Variants in PCDHGB1 observed in about 807,000 individuals in gnomAD.
PCDHGB1 encodes the protein protocadherin gamma subfamily B, 1, also known as protocadherin gamma-B1.
PCDHGB1 carries 34 observed loss-of-function variants against 56.6 expected under a neutral mutation model. The observed-to-expected ratio is 0.60, with a 90% CI of 0.46 to 0.80. PCDHGB1 has a LOEUF of 0.80. Among genes scored for constraint, PCDHGB1 ranks in the 30% least tolerant of loss-of-function variants. PCDHGB1 has a pLI of 0.00. For missense variants in PCDHGB1, 1,278 were observed against 1,204.6 expected (o/e 1.06, Z -0.90); for synonymous variants, 561 against 505.9 (o/e 1.11, Z -1.46).
At chr5:141,369,056 A>G (rs1051777432) in intron 1 of PCDHGB1, among the ~76,000 whole-genome samples, 7 of 152,212 alleles carry the variant, frequency 4.6e-5, no homozygotes, top group Non-Finnish European at 5.9e-5. Flanking sequence ...TACATTATGT[A>G]GGCTAAAGAT....
At position 141,477,898 on chromosome 5, in the gene PCDHGB1, A is replaced by C; in HGVS notation, c.2410-16909A>C. The C allele has an allele frequency of 6.2e-7, 1 of 1,614,158 alleles. No individual in the cohort carries two copies. Among genetic ancestry groups the C allele is most frequent in the East Asian group, 2.2e-5 (1 of 44,864 alleles). ...CTGGCCACCTAGTGTCACGGGTGGT[A>C]GGCTGGGACGCGGATGCAGGGCACA... On this transcript the variant is annotated intron_variant, in intron 1 of 3. Transcript: ENST00000523390. This position sits in a 1 kb window ranked among gnomAD's most constrained non-coding sequence, Gnocchi z 4.9.
At chr5:141,388,957 C>T (rs1378746840) in intron 1 of PCDHGB1, 7 of 1,613,822 alleles carry the variant, frequency 4.3e-6, no homozygotes, top group Non-Finnish European at 5.9e-6. Flanking sequence ...ATGGAGGACG[C>T]CGAGCTGGGA....
intron 1 of PCDHGB1, among the ~76,000 whole-genome samples, chr5:141,407,428 G>A (rs1211459456): frequency 6.6e-6 from 1 of 151,524 alleles, no homozygotes; most frequent in Non-Finnish European, 1.5e-5. Context: ...AATGTCTCTT[G>A]CCCTTAAAAC....
intron 1 of PCDHGB1, chr5:141,393,093 G>T: frequency 2.5e-6 from 4 of 1,613,620 alleles, no homozygotes; most frequent in Non-Finnish European, 3.4e-6. Context: ...AGATCGGGAG[G>T]AGCTCTGCGC....
chr5:141,511,265 A>G lies in PCDHGB1; in HGVS notation c.*92A>G. On this transcript the variant is annotated 3_prime_UTR_variant, in exon 4 of 4. Coordinates refer to ENST00000523390, the MANE Select transcript of PCDHGB1 (RefSeq NM_018922.3). ...ACCCAGGCCTCAGAGTTTCAGGGCT[A>G]ACCCCCAGAATACTGGTAGGGGCCA... The G allele has an allele frequency of 6.4e-7, 1 of 1,551,730 alleles. No individual in the cohort carries two copies. Among genetic ancestry groups the G allele is most frequent in the South Asian group, 1.2e-5 (1 of 83,132 alleles).
chr5:141,403,533 T>G (rs1307203985), intron 1 of PCDHGB1: 2 of 1,613,992 alleles, frequency 1.2e-6, no homozygotes, highest in African/African-American at 2.7e-5. Flanking sequence ...AACCCAGAGC[T>G]GGTGCTGGAG....
At chr5:141,413,220 C>A in intron 1 of PCDHGB1, 1 of 1,613,330 alleles carries the variant, frequency 6.2e-7, no homozygotes, top group South Asian at 1.1e-5. Flanking sequence ...AGGATTGCAG[C>A]GGGCTGGTCC....
chr5:141,366,316 T>G, intron 1 of PCDHGB1: 1 of 1,613,764 alleles, frequency 6.2e-7, no homozygotes, highest in Non-Finnish European at 8.5e-7. Flanking sequence ...CGGTCACCGT[T>G]GCCGTGGCCG....
At position 141,432,232 on chromosome 5, in the gene PCDHGB1, G is replaced by A. The variant is rs766929605; in HGVS notation, c.2410-62575G>A. Reference sequence around the variant, plus strand: ...AGAACGCCCAGATCACTTATTCCCTGGCTGAGAACACCATCCAAGGGGCAA... The same window carrying A: ...AGAACGCCCAGATCACTTATTCCCTAGCTGAGAACACCATCCAAGGGGCAA... On this transcript the variant is annotated intron_variant, in intron 1 of 3. Coordinates refer to ENST00000523390, the MANE Select transcript of PCDHGB1 (RefSeq NM_018922.3). The surrounding 1 kb of genome is among the most constrained non-coding windows in gnomAD (Gnocchi z 6.0). The A allele has an allele frequency of 6.2e-7, 1 of 1,614,188 alleles. No homozygotes were observed. The highest frequency in any genetic ancestry group is 1.6e-4 in the Middle Eastern group (1 of 6,062).
intron 1 of PCDHGB1, chr5:141,362,322 T>A (rs369360424): frequency 5.1e-5 from 83 of 1,614,066 alleles, no homozygotes; most frequent in Admixed American, 1.3e-4. Context: ...GTTTTCAGCC[T>A]GGTCTCAGCT....
At chr5:141,358,935 T>A (rs550902400) in intron 1 of PCDHGB1, among the ~76,000 whole-genome samples, 2 of 152,358 alleles carry the variant, frequency 1.3e-5, no homozygotes, top group Admixed American at 1.3e-4. Flanking sequence ...TATACAACAC[T>A]TTTGTTCTTT....
At chr5:141,422,911 G>A (rs375046528) in intron 1 of PCDHGB1, 5 of 1,614,118 alleles carry the variant, frequency 3.1e-6, no homozygotes, top group African/African-American at 2.7e-5. Flanking sequence ...CAATGCGCCC[G>A]AGATCCTGTA....
chr5:141,380,586 A>G (rs1776590608), intron 1 of PCDHGB1, among the ~76,000 whole-genome samples: 1 of 152,226 alleles, frequency 6.6e-6, no homozygotes, highest in Non-Finnish European at 1.5e-5. Context: ...GCGGTCTAGT[A>G]AAGATCTTTA....
Position 141,491,732 on chromosome 5 carries a change from C to G in PCDHGB1, c.2410-3075C>G. ...GGCTCGGCGCCGCCCCGGGCGACCC[C>G]TGGGGGCGGCACTGGAGAAGCCGCC... On this transcript the variant is annotated intron_variant, in intron 1 of 3. Coordinates refer to ENST00000523390, the MANE Select transcript of PCDHGB1 (RefSeq NM_018922.3). This position sits in a 1 kb window ranked among gnomAD's most constrained non-coding sequence, Gnocchi z 6.9. The G allele has an allele frequency of 1.2e-6, 2 of 1,602,752 alleles. No individual in the cohort carries two copies. Among genetic ancestry groups the G allele is most frequent in the Non-Finnish European group, 1.7e-6 (2 of 1,175,308 alleles).
chr5:141,351,960 G>A lies in PCDHGB1; in HGVS notation c.1700G>A (p.Gly567Asp). The A allele has an allele frequency of 6.2e-7, 1 of 1,612,894 alleles. No homozygotes were observed. Among genetic ancestry groups the A allele is most frequent in the Non-Finnish European group, 8.5e-7 (1 of 1,179,720 alleles). Residue 567 changes from glycine to aspartate, a missense_variant, in exon 1 of 4, where the codon GGC becomes GAC. By Grantham distance (94) the Gly-to-Asp change is moderately conservative (BLOSUM62 -1). Transcript: ENST00000523390. The part of the protein sequence containing the change: ...RVLYPALGPD[G>D]SALFDMVPRA... ...CTGTACCCCGCGCTGGGGCCTGATG[G>A]CTCCGCCCTCTTCGATATGGTGCCA...
chr5:141,392,746 G>A (rs970809453), intron 1 of PCDHGB1: 4 of 1,443,856 alleles, frequency 2.8e-6, no homozygotes, highest in Non-Finnish European at 3.6e-6. Flanking sequence ...CATAGCTGCG[G>A]CAAGAAACTA....
intron 2 of PCDHGB1, among the ~76,000 whole-genome samples, chr5:141,502,352 C>G (rs544911376): frequency 3.2e-4 from 49 of 151,888 alleles, no homozygotes; most frequent in African/African-American, 1.2e-3. Flanking sequence ...TTTTTAATGA[C>G]ATGGATATTT....
chr5:141,361,769 A>C, intron 1 of PCDHGB1: 1 of 1,613,144 alleles, frequency 6.2e-7, no homozygotes, highest in Non-Finnish European at 8.5e-7. Context: ...CTCAGCGCCA[A>C]CGTGAGCCTG....
chr5:141,413,835 CG>C, intron 1 of PCDHGB1: 2 of 1,613,258 alleles, frequency 1.2e-6, no homozygotes, highest in South Asian at 1.1e-5. Context: ...CCGCCTCCGA[CG>C]GGGGTGACCC....
Sources: allele counts gnomAD v4.1 joint callset (sites outside exome capture counted in the v4.1 genomes callset), GRCh38; gene constraint gnomAD v4.1.1; non-coding constraint Gnocchi (gnomAD v3.1); transcripts MANE v1.5; gene names NCBI Gene and HGNC (gene_info 2026-07-23, HGNC 2026-07-21).